GLE1: variants seen among roughly 807,000 people sequenced by gnomAD.
GLE1 encodes mRNA export factor GLE1.
A neutral mutation model predicts 97.3 loss-of-function variants in GLE1; 78 were observed. The ratio of observed to expected loss-of-function variants is 0.80; its 90% CI spans 0.67 to 0.97. The LOEUF (loss-of-function observed/expected upper bound fraction) is 0.97. Ranked by LOEUF, GLE1 falls within the 50% of genes least tolerant of loss-of-function variation. The pLI, the probability that GLE1 is intolerant of heterozygous loss-of-function variation, is 0.00. For synonymous variants in GLE1, 302 were observed against 313.4 expected (o/e 0.96, Z 0.39); for missense variants, 753 against 857.5 (o/e 0.88, Z 1.52).
chr9:128,525,589 A>G (rs756611177), intron 7 of GLE1, among the ~76,000 whole-genome samples, 166 bp downstream of exon 7: 4 of 152,172 alleles, frequency 2.6e-5, no homozygotes, highest in Admixed American at 6.5e-5. Flanking sequence ...TACGATTCCA[A>G]CACTTTGCGT....
chr9:128,534,498 C>T (rs199658435), intron 11 of GLE1, among the ~76,000 whole-genome samples: 1 of 152,018 alleles, frequency 6.6e-6, no homozygotes, highest in South Asian at 2.1e-4. Flanking sequence ...GAATTTTATC[C>T]CTGCTTTGTC....
intron 7 of GLE1, among the ~76,000 whole-genome samples, chr9:128,526,178 T>C (rs1282796031): frequency 6.7e-6 from 1 of 148,248 alleles, no homozygotes; most frequent in Non-Finnish European, 1.5e-5. Context: ...CCTGCCACTG[T>C]GCCTGGCTAA....
intron 2 of GLE1, among the ~76,000 whole-genome samples, chr9:128,510,780 C>T (rs1040038032): frequency 2.3e-4 from 34 of 150,812 alleles, no homozygotes; most frequent in African/African-American, 7.3e-4. Context: ...CTACCCACCT[C>T]GGCCTCCCAA....
chr9:128,541,105 T>C lies in GLE1; in HGVS notation c.2032T>C (p.Cys678Arg). 6.4e-7 allele frequency: 1 copy of C among 1,555,648 alleles called. No homozygotes were observed. The highest frequency in any genetic ancestry group is 8.9e-7 in the Non-Finnish European group (1 of 1,126,686). Residue 678 changes from cysteine (C) to arginine (R), a missense_variant, in exon 16 of 16, where the codon TGT becomes CGT. Physicochemically the swap from Cys to Arg is radical, Grantham distance 180. Coordinates refer to ENST00000309971, the MANE Select transcript of GLE1 (RefSeq NM_001003722.2). Reference sequence around the variant, plus strand: ...TTCTTCATCTTTCCCTGACCAGAAATGTTTGCAACACAAGGACATTCCTGT... The same window carrying C: ...TTCTTCATCTTTCCCTGACCAGAAACGTTTGCAACACAAGGACATTCCTGT... ...FIRLKQFLEK[C>R]LQHKDIPVPK...
intron 9 of GLE1, among the ~76,000 whole-genome samples, chr9:128,530,415 C>T (rs1257020463): frequency 6.6e-6 from 1 of 152,184 alleles, no homozygotes; most frequent in Non-Finnish European, 1.5e-5. Context: ...ACTGCTGCCT[C>T]TCTTTCACTC....
rs1847328440 is a variant in GLE1, at chr9:128,527,271, A to G, written c.1222A>G (p.Thr408Ala). 2 of 1,601,056 alleles carry G rather than the reference A, an allele frequency of 1.2e-6. No individual in the cohort carries two copies. The highest frequency in any genetic ancestry group is 2.7e-5 in the African/African-American group (2 of 74,644). Residue 408 changes from threonine (T) to alanine (A), a missense_variant, in exon 8 of 16, where the codon ACC becomes GCC. Thr to Ala is a moderately conservative substitution (Grantham distance 58). Coordinates refer to ENST00000309971, the MANE Select transcript of GLE1 (RefSeq NM_001003722.2). ...GTGTGTGTTGACCTTTGAGGGCCTG[A>G]CCAACAGCAAGGACAGTCAGGTAGG... ...MQCVLTFEGL[T>A]NSKDSQAKKI...
In GLE1 at chr9:128,538,525, G is replaced by A. The variant is rs1847791335; in HGVS notation, c.1881+435G>A. ...AAAAATACAAATAAAGGCCGGGCAC[G>A]GTGGCTCACGCCTGTAATCCCAGCA... On this transcript the variant is annotated intron_variant, in intron 13 of 15. Transcript: ENST00000309971. 2.0e-5 allele frequency among the ~76,000 whole-genome samples: 3 copies of A among 152,108 alleles called. No individual in the cohort carries two copies. In the South Asian group the frequency reaches 6.2e-4, roughly 32 times the overall value.
chr9:128,533,429 A>G (rs764941198), intron 9 of GLE1, 84 bp from the exon 10 acceptor site: 1,880 of 20,364 alleles, frequency 0.092, 8 homozygotes, highest in Non-Finnish European at 0.095. Context: ...TACTGTCTCA[A>G]AAAAAAAAAA....
Position 128,540,492 on chromosome 9 carries a change from GGAGTA to G in GLE1, c.2028+155_2028+159del, listed in dbSNP as rs1411069135. 5.9e-6 allele frequency: 4 copies of G among 679,148 alleles called. No individual in the cohort carries two copies. The African/African-American group carries it at 7.1e-5, about 12-fold the overall frequency. 42.1% of individuals were successfully genotyped at this position (679,148 alleles called of 1,614,324 possible). On this transcript the variant is annotated intron_variant, in intron 15 of 15. Transcript: ENST00000309971. ...TGTTCCTAATTCCCTCTTAACCTTTGGAGTAAGGGCTGCCATTTCCTCTTCTTTAT... is the reference window on the plus strand; with the variant it reads ...TGTTCCTAATTCCCTCTTAACCTTTGAGGGCTGCCATTTCCTCTTCTTTAT...
intron 9 of GLE1, among the ~76,000 whole-genome samples, chr9:128,531,372 C>T (rs540798023): frequency 6.7e-6 from 1 of 149,308 alleles, no homozygotes; most frequent in Admixed American, 6.7e-5. Context: ...TACTAAAATA[C>T]AAATATTAGC....
At chr9:128,534,779 C>T (rs943011639) in intron 11 of GLE1, among the ~76,000 whole-genome samples, 2 of 151,678 alleles carry the variant, frequency 1.3e-5, no homozygotes, top group East Asian at 1.9e-4. Context: ...AGTGCAGTGG[C>T]GTGATCTCAG....
intron 1 of GLE1, among the ~76,000 whole-genome samples, chr9:128,505,923 G>GC (rs1330492564): frequency 6.6e-6 from 1 of 152,112 alleles, no homozygotes; most frequent in Admixed American, 6.5e-5. Context: ...TATTCCTTCT[G>GC]CATTTGTTAG....
intron 2 of GLE1, among the ~76,000 whole-genome samples, chr9:128,513,247 A>G (rs1219377391): frequency 6.6e-6 from 1 of 151,886 alleles, no homozygotes; most frequent in South Asian, 2.1e-4. Context: ...AGGATTGATT[A>G]TTTTTGACTC....
chr9:128,520,879 C>T (rs1847133699), intron 3 of GLE1, among the ~76,000 whole-genome samples: 1 of 151,924 alleles, frequency 6.6e-6, no homozygotes, highest in African/African-American at 2.4e-5. Flanking sequence ...TCAGCTCTTT[C>T]TGCTTTCTAA....
chr9:128,540,991 C>G (rs1480217215), intron 15 of GLE1, 111 bp from the exon 16 acceptor site: 1 of 773,172 alleles, frequency 1.3e-6, no homozygotes, highest in Admixed American at 1.8e-5. Flanking sequence ...TTTTTGTTCA[C>G]TGTTCCATAG....
chr9:128,514,944 C>T (rs1846937370), intron 2 of GLE1, among the ~76,000 whole-genome samples: 1 of 151,880 alleles, frequency 6.6e-6, no homozygotes, highest in Non-Finnish European at 1.5e-5. Flanking sequence ...AGCCTGCCTC[C>T]TCAGTAGCTG....
Position 128,535,767 on chromosome 9 carries a change from A to T in GLE1, c.1647-588A>T, listed in dbSNP as rs530424833. On this transcript the variant is annotated intron_variant, in intron 11 of 15. Transcript: ENST00000309971. Reference sequence around the variant, plus strand: ...ACCCGAGAGGCGGAGATTGCCTGAGATCGTGCTATTGCTTTCTAGCCTGGG... The same window carrying T: ...ACCCGAGAGGCGGAGATTGCCTGAGTTCGTGCTATTGCTTTCTAGCCTGGG... Among the ~76,000 whole-genome samples the T allele has an allele frequency of 3.3e-5, 5 of 151,896 alleles. No individual in the cohort carries two copies. The South Asian group carries it at 1.0e-3, about 32-fold the overall frequency.
rs1221957638 is a variant in GLE1, at chr9:128,541,983, G to A, written c.*813G>A. 1 of 152,144 alleles carries A rather than the reference G, an allele frequency of 6.6e-6. No individual in the cohort carries two copies. Among genetic ancestry groups the A allele is most frequent in the African/African-American group, 2.4e-5 (1 of 41,420 alleles). The allele number at this position is 152,144 out of a possible 1,614,324, so 9.4% of individuals were successfully genotyped here. ...CTGAGCATCCATAAGCATTGAATTG[G>A]GATTAAATAAAGATGTTGGGCAGGA... On this transcript the variant is annotated 3_prime_UTR_variant, in exon 16 of 16. Transcript: ENST00000309971.
chr9:128,508,763 G>A (rs1391579258), intron 1 of GLE1, 113 bp from the exon 2 acceptor site: 1 of 730,866 alleles, frequency 1.4e-6, no homozygotes. Flanking sequence ...CATTACTTTG[G>A]GTCTTTGATG....
Sources: gnomAD v4.1 joint callset for allele counts (sites outside exome capture counted in the v4.1 genomes callset) on GRCh38, gnomAD v4.1.1 for gene constraint, MANE v1.5 for transcripts, NCBI Gene and HGNC (gene_info 2026-07-23, HGNC 2026-07-21) for gene names.